The following NFATC3 variants were observed in gnomAD, a reference collection of about 807,000 sequenced individuals.
The protein encoded by NFATC3 is nuclear factor of activated T cells 3, also known as nuclear factor of activated T-cells, cytoplasmic 3.
Under a neutral mutation model 98.6 loss-of-function variants are expected in NFATC3, and 46 were observed. The ratio of observed to expected loss-of-function variants is 0.47; its 90% CI spans 0.37 to 0.60. NFATC3 has a LOEUF of 0.60. Ranked by LOEUF, NFATC3 falls within the 20% of genes least tolerant of loss-of-function variation. The pLI, the probability that NFATC3 is intolerant of heterozygous loss-of-function variation, is 0.00. For missense variants in NFATC3, 1,256 were observed against 1,295.5 expected (o/e 0.97, Z 0.47); for synonymous variants, 512 against 472.2 (o/e 1.08, Z -1.09).
chr16:68,185,989 T>C lies in NFATC3; in HGVS notation c.2098+2623T>C, dbSNP rs115890919. Among the ~76,000 whole-genome samples the C allele has an allele frequency of 4.6e-3, 698 of 151,442 alleles. 7 individuals carry two copies. Among genetic ancestry groups the C allele is most frequent in the African/African-American group, 0.017 (683 of 41,206 alleles). On this transcript the variant is annotated intron_variant, in intron 8 of 9. Transcript: ENST00000346183. ...ATTTGGGAATGGAAATCAGTAGAGCTCTGGAATGGAAAGAAAACATTGGGT... is the reference window on the plus strand; with the variant it reads ...ATTTGGGAATGGAAATCAGTAGAGCCCTGGAATGGAAAGAAAACATTGGGT...
intron 9 of NFATC3, chr16:68,225,673 A>T (rs1176386131): frequency 6.6e-6 from 1 of 152,218 alleles, no homozygotes; most frequent in Non-Finnish European, 1.5e-5. Flanking sequence ...CTAGGAGTGG[A>T]ATTAGCATAG....
In NFATC3 at chr16:68,112,646, GTTTTTTTT is replaced by G. The variant is rs914607835; in HGVS notation, c.104-9325_104-9318del. ...CATTTCTTTTCATTTTTTCTTTTTCGTTTTTTTTTTTTTTTTTTTTTTTGAGACGGAGT... is the reference window on the plus strand; with the variant it reads ...CATTTCTTTTCATTTTTTCTTTTTCGTTTTTTTTTTTTTTTGAGACGGAGT... On this transcript the variant is annotated intron_variant, in intron 1 of 9. Coordinates refer to ENST00000346183, the MANE Select transcript of NFATC3 (RefSeq NM_173165.3). Among the ~76,000 whole-genome samples, 4 of 97,644 alleles carry G rather than the reference GTTTTTTTT, an allele frequency of 4.1e-5. No homozygotes were observed. The Admixed American group carries it at 5.0e-4, about 12-fold the overall frequency. The allele number at this position is 97,644 out of a possible 152,430, so 64.1% of individuals were successfully genotyped here.
chr16:68,127,692 A>G (rs2151512572), intron 3 of NFATC3, among the ~76,000 whole-genome samples: 1 of 152,080 alleles, frequency 6.6e-6, no homozygotes. Flanking sequence ...TGTCTCAAAA[A>G]AAAAAAAAAA....
At chr16:68,217,822 A>G (rs745430147) in intron 9 of NFATC3, 18 of 1,231,168 alleles carry the variant, frequency 1.5e-5, no homozygotes, top group Non-Finnish European at 1.6e-5. Flanking sequence ...AGATACGTAC[A>G]TCGCTTTTGC....
Position 68,123,046 on chromosome 16 carries a change from G to T in NFATC3, c.1163G>T (p.Cys388Phe). 6.2e-7 allele frequency: 1 copy of T among 1,612,504 alleles called. No individual in the cohort carries two copies. The highest frequency in any genetic ancestry group is 1.1e-5 in the South Asian group (1 of 91,080). ...GSQYPLKKDS[C>F]GDQFLSVPSP... ...CAGTATCCTTTAAAGAAAGATTCAT[G>T]TGGTGATCAGTTTCTTTCAGTTCCT... The change falls in exon 2 of 10, where the codon TGT (cysteine) becomes TTT (phenylalanine). Residue 388 changes from cysteine to phenylalanine, a missense_variant. Cys to Phe is a radical substitution (Grantham distance 205). Coordinates refer to ENST00000346183, the MANE Select transcript of NFATC3 (RefSeq NM_173165.3).
chr16:68,131,497 C>T (rs1433394246), intron 3 of NFATC3, among the ~76,000 whole-genome samples: 1 of 152,036 alleles, frequency 6.6e-6, no homozygotes, highest in African/African-American at 2.4e-5. Flanking sequence ...AGGCTGGTCT[C>T]GAACTCCTGA....
chr16:68,165,678 G>C (rs1362983615), intron 4 of NFATC3, among the ~76,000 whole-genome samples: 2 of 152,140 alleles, frequency 1.3e-5, no homozygotes, highest in African/African-American at 4.8e-5. Context: ...TTACAGGCAT[G>C]AGCTACTGCA....
chr16:68,090,010 A>G (rs1002056840), intron 1 of NFATC3, among the ~76,000 whole-genome samples: 7 of 152,138 alleles, frequency 4.6e-5, no homozygotes, highest in Non-Finnish European at 8.8e-5. Flanking sequence ...TTTTTTTCAG[A>G]TAATCCTTTA....
rs1567559802 is a variant in NFATC3 at position 68,226,924 on chromosome 16, G to GAAAAAAAAAAAAAAAAAAAAAAAAAAA, written c.*462_*463insAAAAAAAAAAAAAAAAAAAAAAAAAAA. On this transcript the variant is annotated 3_prime_UTR_variant, in exon 10 of 10. Transcript: ENST00000346183. Reference sequence around the variant, plus strand: ...AAAAAAAAAAAAAAAAAAAAAAAAAGAAAAAAAAAGAAAAGAAAAAAAGAA... The same window carrying GAAAAAAAAAAAAAAAAAAAAAAAAAAA: ...AAAAAAAAAAAAAAAAAAAAAAAAAGAAAAAAAAAAAAAAAAAAAAAAAAAAAAAAAAAAAAGAAAAGAAAAAAAGAA... The GAAAAAAAAAAAAAAAAAAAAAAAAAAA allele has an allele frequency of 1.2e-5, 1 of 85,486 alleles. No individual in the cohort carries two copies. The highest frequency in any genetic ancestry group is 1.4e-4 in the Admixed American group (1 of 7,182). 5.3% of individuals were successfully genotyped at this position (85,486 alleles called of 1,614,324 possible). A position where few individuals can be genotyped will look rare whatever the true frequency, so the allele number is the denominator to read the frequency against.
chr16:68,165,392 C>CTTTT (rs869025719), intron 4 of NFATC3, among the ~76,000 whole-genome samples: 4 of 104,404 alleles, frequency 3.8e-5, no homozygotes, highest in Non-Finnish European at 4.0e-5. Flanking sequence ...TTTTCTTTTT[C>CTTTT]TTTTTTTTTT....
At chr16:68,142,196 G>A (rs1178060829) in intron 3 of NFATC3, among the ~76,000 whole-genome samples, 2 of 152,044 alleles carry the variant, frequency 1.3e-5, no homozygotes, top group East Asian at 1.9e-4. Context: ...ATACTGAGTC[G>A]TCCAGTCTGT....
chr16:68,125,142 C>T (rs532564560), intron 2 of NFATC3, among the ~76,000 whole-genome samples: 38 of 152,298 alleles, frequency 2.5e-4, no homozygotes, highest in Admixed American at 2.5e-3. Context: ...TGAAATTTAT[C>T]TTAATTTTTC....
intron 2 of NFATC3, among the ~76,000 whole-genome samples, chr16:68,125,472 A>G (rs1034822689): frequency 5.3e-5 from 8 of 152,250 alleles, no homozygotes; most frequent in African/African-American, 1.7e-4. Flanking sequence ...CCAACCAAGC[A>G]TGTACCAAAA....
chr16:68,223,274 G>T (rs532962116), intron 9 of NFATC3, among the ~76,000 whole-genome samples: 15 of 152,180 alleles, frequency 9.9e-5, no homozygotes, highest in Non-Finnish European at 2.1e-4. Context: ...AATGGCTCAT[G>T]CCTGTAATCC....
chr16:68,175,106 G>A (rs1027651196), intron 6 of NFATC3, among the ~76,000 whole-genome samples: 2 of 152,188 alleles, frequency 1.3e-5, no homozygotes, highest in African/African-American at 4.8e-5. Context: ...AATTAATGAA[G>A]TACTCATACA....
intron 3 of NFATC3, among the ~76,000 whole-genome samples, chr16:68,151,502 A>G (rs1380405206): frequency 1.3e-5 from 2 of 152,206 alleles, no homozygotes; most frequent in Non-Finnish European, 2.9e-5. Flanking sequence ...ATTAATATAT[A>G]CTAAGGAGTT....
rs189197443 is a variant in NFATC3, at chr16:68,119,750, A to G, written c.104-2237A>G. The stretch of plus-strand genomic sequence containing the variant: ...TTCCCGTTTTATTTTCTCTTACAGC[A>G]AATATCACTACCTGACATATTTTAC... On this transcript the variant is annotated intron_variant, in intron 1 of 9. Coordinates refer to ENST00000346183, the MANE Select transcript of NFATC3 (RefSeq NM_173165.3). Among the ~76,000 whole-genome samples, 67 of 152,300 alleles carry G rather than the reference A, an allele frequency of 4.4e-4. 1 individual carries two copies. The East Asian group carries it at 0.012, about 27-fold the overall frequency.
rs1376191747 is a variant in NFATC3 at position 68,228,621 on chromosome 16, G to A, written c.*2150G>A. The A allele has an allele frequency of 6.6e-6, 1 of 152,582 alleles. No individual in the cohort carries two copies. The highest frequency in any genetic ancestry group is 1.5e-5 in the Non-Finnish European group (1 of 68,026). The allele number at this position is 152,582 out of a possible 1,614,324, so 9.5% of individuals were successfully genotyped here. A position where few individuals can be genotyped will look rare whatever the true frequency, so the allele number is the denominator to read the frequency against. On this transcript the variant is annotated 3_prime_UTR_variant, in exon 10 of 10. Coordinates refer to ENST00000346183, the MANE Select transcript of NFATC3 (RefSeq NM_173165.3). Reference sequence around the variant, plus strand: ...ATACTATGTAAGCAGTTTTATATCAGCTTTGTAAAAGCTTTGGTGTTAAGA... The same window carrying A: ...ATACTATGTAAGCAGTTTTATATCAACTTTGTAAAAGCTTTGGTGTTAAGA...
chr16:68,093,348 T>C (rs963402759), intron 1 of NFATC3, among the ~76,000 whole-genome samples: 1 of 152,204 alleles, frequency 6.6e-6, no homozygotes, highest in Non-Finnish European at 1.5e-5. Flanking sequence ...AGTCCTTCCA[T>C]TTTACAGGAG....
Sources: gnomAD v4.1 joint callset for allele counts (sites outside exome capture counted in the v4.1 genomes callset) on GRCh38, gnomAD v4.1.1 for gene constraint, MANE v1.5 for transcripts, NCBI Gene and HGNC (gene_info 2026-07-23, HGNC 2026-07-21) for gene names.